IGF2R: variants seen among roughly 807,000 people sequenced by gnomAD.
IGF2R encodes the protein insulin like growth factor 2 receptor, also known as cation-independent mannose-6-phosphate receptor.
Under a neutral mutation model 270.6 loss-of-function variants are expected in IGF2R, and 91 were observed. The observed-to-expected ratio is 0.34, with a 90% confidence interval of 0.28 to 0.40. The LOEUF is 0.40. Among genes scored for constraint, IGF2R ranks in the 10% least tolerant of loss-of-function variants. The probability of loss-of-function intolerance (pLI) is 1.00; values close to 1 mark genes in which losing one functional copy is unlikely to be tolerated. For synonymous variants in IGF2R, 1,316 were observed against 1,258.9 expected (o/e 1.05, Z -0.96); for missense variants, 2,805 against 3,188.3 (o/e 0.88, Z 2.90).
chr6:159,985,645 A>G (rs1427574132), intron 1 of IGF2R, among the ~76,000 whole-genome samples: 2 of 152,092 alleles, frequency 1.3e-5, no homozygotes, highest in Non-Finnish European at 2.9e-5. Context: ...GATAACAGAC[A>G]CTTCAGAAAA....
intron 37 of IGF2R, 74 bp from the exon 38 acceptor site, chr6:160,079,506 A>G (rs538046176): frequency 3.9e-4 from 419 of 1,062,690 alleles, no homozygotes; most frequent in Admixed American, 1.2e-3. Context: ...CATCAGCTGC[A>G]ATAGTGGTTC....
intron 23 of IGF2R, 24 bp from the exon 24 acceptor site, chr6:160,061,479 G>A: frequency 6.2e-7 from 1 of 1,612,274 alleles, no homozygotes; most frequent in Non-Finnish European, 8.5e-7. Flanking sequence ...GAGTTCTCCA[G>A]CGTGGTTTTT....
intron 8 of IGF2R, 45 bp from the exon 9 acceptor site, chr6:160,032,897 A>AT (rs1265896913): frequency 6.7e-7 from 1 of 1,484,126 alleles, no homozygotes; most frequent in Non-Finnish European, 9.3e-7. Flanking sequence ...TCTAATACCT[A>AT]TTCATATAAA....
chr6:160,056,447 C>G lies in IGF2R; in HGVS notation c.2718C>G (p.Leu906=), dbSNP rs758900806. ...AGAACAGCCACCCCATCTTTTCTCT[C>G]AACTGGGAGTGTGTGGTCAGTTTCC... ...GRLNSHPIFS[L]NWECVVSFLW... is the part of the protein sequence containing the mutation. The change falls in exon 20 of 48, where the codon CTC becomes CTG. Residue 906 remains leucine (L), a synonymous_variant. Transcript: ENST00000356956. 1.9e-6 allele frequency: 3 copies of G among 1,613,788 alleles called. No homozygotes were observed. The Admixed American group carries it at 5.0e-5, about 27-fold the overall frequency.
intron 25 of IGF2R, among the ~76,000 whole-genome samples, chr6:160,062,168 ATTT>A (rs34356477): frequency 0.01 from 1,094 of 106,544 alleles, 20 homozygotes; most frequent in African/African-American, 0.038. Flanking sequence ...CATTTATTTA[ATTT>A]TTTTTTTTTT....
chr6:160,065,927 C>T (rs1226198338), intron 29 of IGF2R, among the ~76,000 whole-genome samples: 1 of 148,624 alleles, frequency 6.7e-6, no homozygotes, highest in Non-Finnish European at 1.5e-5. Flanking sequence ...CAACCTCCTC[C>T]TCCCTGGTTC....
At chr6:159,989,430 G>A (rs750707336) in intron 1 of IGF2R, among the ~76,000 whole-genome samples, 6 of 152,124 alleles carry the variant, frequency 3.9e-5, no homozygotes, top group Admixed American at 6.5e-5. Flanking sequence ...CGTCAAGGGA[G>A]TACTGCATAG....
At chr6:160,072,095 A>G in intron 32 of IGF2R, 59 bp downstream of exon 32, 1 of 1,607,320 alleles carries the variant, frequency 6.2e-7, no homozygotes, top group Non-Finnish European at 8.5e-7. Context: ...CCCCCACCAA[A>G]CCCAGCTCAT....
chr6:160,017,770 A>G (rs951798265), intron 4 of IGF2R, among the ~76,000 whole-genome samples: 3 of 152,238 alleles, frequency 2.0e-5, no homozygotes, highest in African/African-American at 7.2e-5. Context: ...AGTTTCATGT[A>G]TGAAGGAAAA....
At chr6:159,982,333 A>T (rs1783818810) in intron 1 of IGF2R, among the ~76,000 whole-genome samples, 1 of 152,174 alleles carries the variant, frequency 6.6e-6, no homozygotes, top group Non-Finnish European at 1.5e-5. Flanking sequence ...CTGTTGAGGG[A>T]CAGTAGTGAG....
intron 4 of IGF2R, among the ~76,000 whole-genome samples, chr6:160,013,129 T>C (rs1784364249): frequency 1.3e-5 from 2 of 152,028 alleles, no homozygotes; most frequent in South Asian, 2.1e-4. Flanking sequence ...TTTATCTGAG[T>C]GTACCTCTTA....
At chr6:160,066,900 G>A (rs565289913) in intron 29 of IGF2R, among the ~76,000 whole-genome samples, 98 of 152,308 alleles carry the variant, frequency 6.4e-4, no homozygotes, top group African/African-American at 2.3e-3. Context: ...ACCTGCCCCT[G>A]GTTTGGGCAC....
intron 3 of IGF2R, 97 bp downstream of exon 3, chr6:160,009,231 G>A: frequency 9.4e-7 from 1 of 1,068,554 alleles, no homozygotes; most frequent in Non-Finnish European, 1.3e-6. Context: ...GAATCAGTGA[G>A]CAAACTTAGA....
At chr6:160,089,368 T>A in intron 43 of IGF2R, 115 bp downstream of exon 43, 2 of 922,154 alleles carry the variant, frequency 2.2e-6, no homozygotes, top group Non-Finnish European at 1.6e-6. Context: ...TTTTAGTTAC[T>A]GTTGCTGGAG....
chr6:159,970,216 C>G (rs1783589674), intron 1 of IGF2R, among the ~76,000 whole-genome samples: 1 of 152,178 alleles, frequency 6.6e-6, no homozygotes, highest in South Asian at 2.1e-4. Flanking sequence ...CTTCGAATTT[C>G]AGGAATTTTC....
rs57759831 is a variant in IGF2R at position 160,065,782 on chromosome 6, A to ATG, written c.4115+913_4115+914dup. 9.6e-3 allele frequency among the ~76,000 whole-genome samples: 891 copies of ATG among 93,144 alleles called. 16 individuals carry two copies. Among genetic ancestry groups the ATG allele is most frequent in the East Asian group, 0.03 (106 of 3,514 alleles). 61.1% of individuals were successfully genotyped at this position (93,144 alleles called of 152,430 possible). Reference sequence around the variant, plus strand: ...AAGCATTTTTCCTAGAGATATGTGTATGTGTGTGTGTGTGTGTGTGTGTGT... The same window carrying ATG: ...AAGCATTTTTCCTAGAGATATGTGTATGTGTGTGTGTGTGTGTGTGTGTGTGT... On this transcript the variant is annotated intron_variant, in intron 29 of 47. Transcript: ENST00000356956.
chr6:159,994,291 A>G (rs1046859730), intron 2 of IGF2R, among the ~76,000 whole-genome samples: 1 of 151,912 alleles, frequency 6.6e-6, no homozygotes, highest in Non-Finnish European at 1.5e-5. Context: ...CCATAGTATC[A>G]ATGTCTACTT....
At chr6:160,068,192 C>CA in intron 29 of IGF2R, 57 bp from the exon 30 acceptor site, 1 of 1,592,990 alleles carries the variant, frequency 6.3e-7, no homozygotes, top group Admixed American at 1.7e-5. Context: ...ACAGAGTGCC[C>CA]AATGTTTAAA....
At position 160,047,351 on chromosome 6, in the gene IGF2R, T is replaced by A. The variant is rs998074; in HGVS notation, c.2229+15T>A. On this transcript the variant is annotated intron_variant, in intron 16 of 47. Transcript: ENST00000356956. ...CTGAATATCAGGTAGGAATGTTTGT[T>A]CCTCATCGCGCTCCCTGAGGATACT... The A allele has an allele frequency of 8.3e-6, 13 of 1,562,318 alleles. No homozygotes were observed. Among genetic ancestry groups the A allele is most frequent in the Non-Finnish European group, 1.0e-5 (12 of 1,158,110 alleles).
Sources: gnomAD v4.1 joint callset for allele counts (sites outside exome capture counted in the v4.1 genomes callset) on GRCh38, gnomAD v4.1.1 for gene constraint, MANE v1.5 for transcripts, NCBI Gene and HGNC (gene_info 2026-07-23, HGNC 2026-07-21) for gene names.